NMNAT2: variants seen among roughly 807,000 people sequenced by gnomAD.
NMNAT2 encodes nicotinamide/nicotinic acid mononucleotide adenylyltransferase 2.
In NMNAT2, 11 loss-of-function variants were observed where a neutral mutation model predicts 41.6. That is an observed-to-expected ratio of 0.26 (90% CI 0.17 to 0.44). The LOEUF (loss-of-function observed/expected upper bound fraction) is 0.44, where lower values mean the gene tolerates loss of function less well. Among genes scored for constraint, NMNAT2 ranks in the 20% least tolerant of loss-of-function variants. NMNAT2 has a pLI of 1.00. For missense variants in NMNAT2, 288 were observed against 407.7 expected (o/e 0.71, Z 2.53); for synonymous variants, 148 against 151.2 (o/e 0.98, Z 0.16).
chr1:183,268,961 G>A (rs879618104), intron 8 of NMNAT2, among the ~76,000 whole-genome samples: 1 of 152,152 alleles, frequency 6.6e-6, no homozygotes, highest in Non-Finnish European at 1.5e-5. Flanking sequence ...TGAGGCAAGA[G>A]GATCGCTTGA....
chr1:183,285,223 C>T (rs1661372110), intron 5 of NMNAT2, among the ~76,000 whole-genome samples: 1 of 152,128 alleles, frequency 6.6e-6, no homozygotes, highest in Non-Finnish European at 1.5e-5. Context: ...ATCAGATTTT[C>T]CATTTAAAGG....
intron 1 of NMNAT2, among the ~76,000 whole-genome samples, chr1:183,335,285 A>C (rs895072017): frequency 3.9e-5 from 6 of 152,214 alleles, no homozygotes; most frequent in Non-Finnish European, 2.9e-5. Flanking sequence ...TCTGGTAGAA[A>C]CAACATGGTC....
chr1:183,379,168 TG>T (rs1318161911), intron 1 of NMNAT2, among the ~76,000 whole-genome samples: 3 of 152,076 alleles, frequency 2.0e-5, no homozygotes, highest in Non-Finnish European at 4.4e-5. Context: ...AATTTTACAC[TG>T]TCTTCAAGAA....
chr1:183,327,047 TATGTATGTATG>T (rs1662481055), intron 1 of NMNAT2, among the ~76,000 whole-genome samples: 2 of 142,282 alleles, frequency 1.4e-5, no homozygotes, highest in East Asian at 4.7e-4. Context: ...TGTATGTATG[TATGTATGTATG>T]TATTTATTTT....
chr1:183,303,850 T>TGAG (rs1661928816), intron 1 of NMNAT2, among the ~76,000 whole-genome samples: 1 of 152,252 alleles, frequency 6.6e-6, no homozygotes, highest in Admixed American at 6.5e-5. Context: ...CTGAGTGGGC[T>TGAG]GAGGCTCCCA....
intron 1 of NMNAT2, among the ~76,000 whole-genome samples, chr1:183,356,661 T>G (rs502870): frequency 0.58 from 88,414 of 152,076 alleles, 26,101 homozygotes; most frequent in East Asian, 0.8. Context: ...TGAGCCAATT[T>G]GTTATGCCTA....
intron 8 of NMNAT2, among the ~76,000 whole-genome samples, chr1:183,274,954 C>A (rs1661086564): frequency 6.6e-6 from 1 of 152,056 alleles, no homozygotes; most frequent in Non-Finnish European, 1.5e-5. Context: ...GGGCAGCACA[C>A]TAGGGGCAAA....
chr1:183,370,223 T>TAC (rs57569629), intron 1 of NMNAT2, among the ~76,000 whole-genome samples: 11,519 of 112,650 alleles, frequency 0.1, 765 homozygotes, highest in Non-Finnish European at 0.11. Context: ...TATCAACACA[T>TAC]ACACACACAC....
chr1:183,259,891 G>T (rs896593672), intron 10 of NMNAT2, among the ~76,000 whole-genome samples: 1 of 152,112 alleles, frequency 6.6e-6, no homozygotes, highest in African/African-American at 2.4e-5. Context: ...GAGCCACTGC[G>T]CCCGGCCTGT....
At chr1:183,401,975 C>A (rs562307769) in intron 1 of NMNAT2, among the ~76,000 whole-genome samples, 2 of 151,584 alleles carry the variant, frequency 1.3e-5, no homozygotes, top group South Asian at 4.2e-4. Flanking sequence ...ATGTAAATGA[C>A]GAGTTAATGG....
At position 183,251,990 on chromosome 1, in the gene NMNAT2, C is replaced by G. The variant is rs201902969; in HGVS notation, c.*651G>C. 1.3e-5 allele frequency: 2 copies of G among 155,280 alleles called. No individual in the cohort carries two copies. The highest frequency in any genetic ancestry group is 2.4e-5 in the African/African-American group (1 of 41,420). The allele number at this position is 155,280 out of a possible 1,614,324, so 9.6% of individuals were successfully genotyped here. A position where few individuals can be genotyped will look rare whatever the true frequency, so the allele number is the denominator to read the frequency against. On this transcript the variant is annotated 3_prime_UTR_variant, in exon 11 of 11. Transcript: ENST00000287713. ...AGAAGTGGAGGTTGCTTGGCCTTCT[C>G]TACTGGGTGTGGCCCTGATGAACTC...
rs1238999763 is a variant in NMNAT2, at chr1:183,357,921, A to G, written c.85+60262T>C. Reference sequence around the variant, plus strand: ...TTTATATATTCCCAAAGGAATATATAAATTCCCAAAGGAATATAAATTTTT... The same window carrying G: ...TTTATATATTCCCAAAGGAATATATGAATTCCCAAAGGAATATAAATTTTT... On this transcript the variant is annotated intron_variant, in intron 1 of 10. Transcript: ENST00000287713. 3.9e-5 allele frequency among the ~76,000 whole-genome samples: 6 copies of G among 152,230 alleles called. No individual in the cohort carries two copies. In the South Asian group the frequency reaches 1.0e-3, roughly 26 times the overall value.
intron 1 of NMNAT2, among the ~76,000 whole-genome samples, chr1:183,336,466 A>G (rs1227558198): frequency 6.6e-6 from 1 of 152,250 alleles, no homozygotes; most frequent in Middle Eastern, 3.2e-3. Context: ...CAAAGAGAGT[A>G]TAGAGAGAAT....
At chr1:183,278,702 C>T (rs983735725) in intron 7 of NMNAT2, 73 bp from the exon 8 acceptor site, 2 of 1,061,092 alleles carry the variant, frequency 1.9e-6, no homozygotes, top group Non-Finnish European at 2.9e-6. Context: ...CAGCCTTCTT[C>T]CCCTGGTGAA....
chr1:183,273,376 C>T (rs1282875491), intron 8 of NMNAT2, among the ~76,000 whole-genome samples: 1 of 152,242 alleles, frequency 6.6e-6, no homozygotes, highest in Non-Finnish European at 1.5e-5. Context: ...CAACAAGTAT[C>T]ACTCGGGGCA....
At chr1:183,256,791 C>T (rs1266563840) in intron 10 of NMNAT2, among the ~76,000 whole-genome samples, 2 of 151,976 alleles carry the variant, frequency 1.3e-5, no homozygotes, top group Admixed American at 1.3e-4. Context: ...TTTCTGTTGC[C>T]CAGGCTGGAG....
chr1:183,275,935 G>C (rs1388256266), intron 8 of NMNAT2, among the ~76,000 whole-genome samples: 1 of 152,200 alleles, frequency 6.6e-6, no homozygotes, highest in Non-Finnish European at 1.5e-5. Flanking sequence ...GCCTCCCAAA[G>C]TGCTGGGATT....
intron 1 of NMNAT2, among the ~76,000 whole-genome samples, chr1:183,402,203 C>CAGAG (rs1648831011): frequency 6.6e-6 from 1 of 152,086 alleles, no homozygotes; most frequent in Non-Finnish European, 1.5e-5. Flanking sequence ...TAGGAGAGAC[C>CAGAG]AGAGACCAGA....
intron 8 of NMNAT2, among the ~76,000 whole-genome samples, chr1:183,268,811 G>A (rs1660888096): frequency 6.6e-6 from 1 of 152,210 alleles, no homozygotes; most frequent in Admixed American, 6.5e-5. Flanking sequence ...AGAGGCCAAG[G>A]TGGGAGGATC....
Sources: gnomAD v4.1 joint callset for allele counts (sites outside exome capture counted in the v4.1 genomes callset) on GRCh38, gnomAD v4.1.1 for gene constraint, MANE v1.5 for transcripts, NCBI Gene and HGNC (gene_info 2026-07-23, HGNC 2026-07-21) for gene names.